The following ANK3 variants were observed in gnomAD, a reference collection of about 807,000 sequenced individuals.
The protein encoded by ANK3 is ankyrin 3, also known as ankyrin-3.
ANK3 carries 57 observed loss-of-function variants against 370.9 expected under a neutral mutation model. The ratio of observed to expected loss-of-function variants is 0.15; its 90% CI spans 0.12 to 0.19. The LOEUF is 0.19. ANK3 is among the 10% of genes least tolerant of loss of function. ANK3 has a pLI of 1.00. For missense variants in ANK3, 4,439 were observed against 5,302.1 expected (o/e 0.84, Z 5.06); for synonymous variants, 1,929 against 1,946.3 (o/e 0.99, Z 0.23).
At chr10:60,115,482 T>C (rs953462808) in intron 25 of ANK3, among the ~76,000 whole-genome samples, 11 of 152,074 alleles carry the variant, frequency 7.2e-5, no homozygotes, top group African/African-American at 2.7e-4. Context: ...CAAACCAAGC[T>C]AGAGAGACAC....
At chr10:60,034,667 G>C (rs1187312028) in intron 43 of ANK3, among the ~76,000 whole-genome samples, 1 of 152,016 alleles carries the variant, frequency 6.6e-6, no homozygotes, top group Non-Finnish European at 1.5e-5. Flanking sequence ...ATCCACCTTT[G>C]TAGTTCAACT....
intron 1 of ANK3, among the ~76,000 whole-genome samples, chr10:60,654,421 A>T (rs2078834775): frequency 6.6e-6 from 1 of 152,224 alleles, no homozygotes; most frequent in Non-Finnish European, 1.5e-5. Context: ...GTATAATGGT[A>T]GCTATGGATT....
intron 1 of ANK3, among the ~76,000 whole-genome samples, chr10:60,352,099 C>A (rs2056977331): frequency 6.6e-6 from 1 of 152,156 alleles, no homozygotes; most frequent in African/African-American, 2.4e-5. Context: ...AGTTCGAGAC[C>A]AGTCTGGCAA....
intron 2 of ANK3, among the ~76,000 whole-genome samples, chr10:60,596,502 T>G (rs555974901): frequency 9.8e-4 from 150 of 152,292 alleles, no homozygotes; most frequent in Non-Finnish European, 1.7e-3. Flanking sequence ...ATTTTTAATA[T>G]TGTGTAAGAA....
intron 23 of ANK3, chr10:60,145,939 T>A: frequency 1.4e-6 from 1 of 737,720 alleles, no homozygotes; most frequent in Non-Finnish European, 2.4e-6. Context: ...GGAACTATAT[T>A]TACTGGGGCA....
At position 60,214,968 on chromosome 10, in the gene ANK3, A is replaced by G. The variant is rs187118740; in HGVS notation, c.898-1458T>C. 2.0e-5 allele frequency among the ~76,000 whole-genome samples: 3 copies of G among 152,326 alleles called. No individual in the cohort carries two copies. In the East Asian group the frequency reaches 5.8e-4, roughly 29 times the overall value. ...TTCCACAATGATTGAACTAATTTAC[A>G]TTCCTACCAACAGTGTAAAAGTATT... On this transcript the variant is annotated intron_variant, in intron 8 of 43. Coordinates refer to ENST00000280772, the MANE Select transcript of ANK3 (RefSeq NM_020987.5).
At chr10:60,531,651 CA>C (rs376160920) in intron 2 of ANK3, among the ~76,000 whole-genome samples, 200 of 151,330 alleles carry the variant, frequency 1.3e-3, no homozygotes, top group Non-Finnish European at 2.3e-3. Flanking sequence ...TCAGCTATTT[CA>C]AAAAATAAGG....
intron 1 of ANK3, chr10:60,300,283 G>A: frequency 8.5e-7 from 1 of 1,182,148 alleles, no homozygotes; most frequent in Non-Finnish European, 1.1e-6. Context: ...CTTCTATAAG[G>A]AAAGTACATT....
chr10:60,490,510 C>G (rs982624188), intron 2 of ANK3, among the ~76,000 whole-genome samples: 2 of 152,154 alleles, frequency 1.3e-5, no homozygotes, highest in Non-Finnish European at 2.9e-5. Flanking sequence ...CTCAGAACAT[C>G]ATGACCAACC....
intron 2 of ANK3, among the ~76,000 whole-genome samples, chr10:60,399,028 G>T (rs540596306): frequency 6.6e-6 from 1 of 152,144 alleles, no homozygotes; most frequent in Non-Finnish European, 1.5e-5. Context: ...TACTTTTAGG[G>T]CAACACATGG....
At chr10:60,499,979 C>T in intron 2 of ANK3, among the ~76,000 whole-genome samples, 1 of 152,180 alleles carries the variant, frequency 6.6e-6, no homozygotes, top group East Asian at 1.9e-4. Flanking sequence ...CCTTTCACAT[C>T]TTTCAGAAAC....
intron 4 of ANK3, among the ~76,000 whole-genome samples, chr10:60,273,438 A>G (rs1592858021): frequency 6.6e-6 from 1 of 152,154 alleles, no homozygotes. Context: ...CCTTCCCACT[A>G]TCTAATTCTA....
intron 2 of ANK3, among the ~76,000 whole-genome samples, chr10:60,599,129 C>T (rs925073638): frequency 3.3e-5 from 5 of 152,030 alleles, no homozygotes; most frequent in African/African-American, 9.7e-5. Context: ...CAAGGTCTCA[C>T]TATGTCACCC....
chr10:60,276,996 G>T (rs1216504453), intron 4 of ANK3, among the ~76,000 whole-genome samples: 1 of 152,120 alleles, frequency 6.6e-6, no homozygotes, highest in East Asian at 1.9e-4. Context: ...TTCCTTTCTG[G>T]AAAAGCATTA....
intron 2 of ANK3, among the ~76,000 whole-genome samples, chr10:60,421,959 T>C (rs2063787196): frequency 6.6e-6 from 1 of 152,070 alleles, no homozygotes; most frequent in African/African-American, 2.4e-5. Context: ...CCAATGTGGA[T>C]TGTTAAAACT....
chr10:60,722,648 A>G (rs1291561455), intron 1 of ANK3, among the ~76,000 whole-genome samples: 1 of 151,832 alleles, frequency 6.6e-6, no homozygotes, highest in African/African-American at 2.4e-5. Context: ...TTGAAATATA[A>G]CCCCCAACGT....
chr10:60,160,765 G>A (rs2095477890), intron 23 of ANK3, among the ~76,000 whole-genome samples: 1 of 152,140 alleles, frequency 6.6e-6, no homozygotes. Flanking sequence ...ATGAATCAAT[G>A]TGATACATCA....
At chr10:60,368,760 A>C (rs2059727989) in intron 1 of ANK3, among the ~76,000 whole-genome samples, 1 of 152,206 alleles carries the variant, frequency 6.6e-6, no homozygotes. Flanking sequence ...GCTGAGTTTT[A>C]AATCCCCATT....
chr10:60,170,218 G>A (rs894209109), intron 21 of ANK3, among the ~76,000 whole-genome samples: 23 of 151,922 alleles, frequency 1.5e-4, no homozygotes, highest in African/African-American at 3.9e-4. Flanking sequence ...TAACTAAACC[G>A]TCTTTCTCAG....
Sources: allele counts gnomAD v4.1 joint callset (sites outside exome capture counted in the v4.1 genomes callset), GRCh38; gene constraint gnomAD v4.1.1; transcripts MANE v1.5; gene names NCBI Gene and HGNC (gene_info 2026-07-23, HGNC 2026-07-21).